TBC1D22A: variants seen among roughly 807,000 people sequenced by gnomAD.
The protein encoded by TBC1D22A is TBC1 domain family member 22A.
A neutral mutation model predicts 60.2 loss-of-function variants in TBC1D22A; 38 were observed. That is an observed-to-expected ratio of 0.63 (90% CI 0.49 to 0.83). The LOEUF (loss-of-function observed/expected upper bound fraction) is 0.83, where lower values mean the gene tolerates loss of function less well. TBC1D22A is among the 40% of genes least tolerant of loss of function. The pLI is 0.00. For synonymous variants in TBC1D22A, 302 were observed against 281.7 expected, an observed-to-expected ratio of 1.07 and a Z score of -0.72; for missense variants, 628 against 701.0, an observed-to-expected ratio of 0.90 and a Z score of 1.18.
chr22:47,131,405 G>A (rs1430052080), intron 12 of TBC1D22A, among the ~76,000 whole-genome samples: 1 of 152,180 alleles, frequency 6.6e-6, no homozygotes, highest in Non-Finnish European at 1.5e-5. Context: ...CTCGTTAATC[G>A]GCCAGTAGTG....
chr22:46,897,640 G>GTTTTTTTTT (rs1210846664), intron 7 of TBC1D22A, among the ~76,000 whole-genome samples: 6 of 108,378 alleles, frequency 5.5e-5, no homozygotes, highest in African/African-American at 1.7e-4. Flanking sequence ...GTTTCGTTTT[G>GTTTTTTTTT]TTTTTTTTTG....
intron 4 of TBC1D22A, among the ~76,000 whole-genome samples, chr22:46,863,706 G>A (rs1029867210): frequency 6.6e-6 from 1 of 152,198 alleles, no homozygotes. Context: ...CAAAACAAAA[G>A]CATTTCCGTC....
Position 46,891,374 on chromosome 22 carries a change from C to T in TBC1D22A, c.817C>T (p.His273Tyr). 6.2e-7 allele frequency: 1 copy of T among 1,611,476 alleles called. No individual in the cohort carries two copies. The highest frequency in any genetic ancestry group is 8.5e-7 in the Non-Finnish European group (1 of 1,179,242). The change falls in exon 6 of 13, where the codon CAC (histidine) becomes TAC (tyrosine). Residue 273 changes from histidine (H) to tyrosine (Y), a missense_variant. Physicochemically the swap from His to Tyr is moderately conservative, Grantham distance 83. Coordinates refer to ENST00000337137, the MANE Select transcript of TBC1D22A (RefSeq NM_014346.5). ...HYYDSRNDEV[H>Y]QDTYRQIHID... The stretch of plus-strand genomic sequence containing the variant: ...TTACGATTCTAGGAACGACGAAGTT[C>T]ACCAGGACACATACAGGCAGGTGGG...
intron 11 of TBC1D22A, among the ~76,000 whole-genome samples, chr22:47,108,382 A>G (rs1380813216): frequency 6.6e-6 from 1 of 152,246 alleles, no homozygotes; most frequent in Non-Finnish European, 1.5e-5. Flanking sequence ...GAAATGATCT[A>G]TTCGTCCGTG....
intron 12 of TBC1D22A, among the ~76,000 whole-genome samples, chr22:47,113,388 C>A (rs920477593): frequency 2.0e-5 from 3 of 152,110 alleles, no homozygotes; most frequent in Non-Finnish European, 4.4e-5. Context: ...GCAGACATTG[C>A]TGCCCTCCTG....
In TBC1D22A at chr22:47,110,412, G is replaced by A. The variant is rs141517634; in HGVS notation, c.1330-1096G>A. 7.0e-3 allele frequency among the ~76,000 whole-genome samples: 1,070 copies of A among 152,298 alleles called. 15 individuals carry two copies. Among genetic ancestry groups the A allele is most frequent in the Middle Eastern group, 0.031 (9 of 294 alleles). ...GAACATTGCTTGAAACCAGGAGGTG[G>A]AGGTTGCAGTGAGCCAAGATCACAC... On this transcript the variant is annotated intron_variant, in intron 11 of 12. Coordinates refer to ENST00000337137, the MANE Select transcript of TBC1D22A (RefSeq NM_014346.5).
At chr22:46,910,885 G>T (rs574093475) in intron 7 of TBC1D22A, among the ~76,000 whole-genome samples, 111 of 150,468 alleles carry the variant, frequency 7.4e-4, no homozygotes, top group African/African-American at 2.7e-3. Flanking sequence ...CCAGGCAGCG[G>T]TAGGAGTACG....
intron 11 of TBC1D22A, among the ~76,000 whole-genome samples, chr22:47,060,722 G>C (rs1180213795): frequency 6.6e-6 from 1 of 152,208 alleles, no homozygotes; most frequent in Non-Finnish European, 1.5e-5. Context: ...TGGTTCAGCA[G>C]ACAAATAATT....
chr22:46,767,884 T>C (rs1366463844), intron 1 of TBC1D22A, among the ~76,000 whole-genome samples: 1 of 151,418 alleles, frequency 6.6e-6, no homozygotes, highest in Admixed American at 6.6e-5. Flanking sequence ...AGTCGTGGGG[T>C]GCGTCATGAA....
At chr22:46,965,519 G>C (rs548798344) in intron 8 of TBC1D22A, among the ~76,000 whole-genome samples, 3 of 152,242 alleles carry the variant, frequency 2.0e-5, no homozygotes, top group Non-Finnish European at 2.9e-5. Flanking sequence ...GAATGCATTC[G>C]TCATCTCCGG....
chr22:47,035,971 A>G (rs1420643277), intron 10 of TBC1D22A, among the ~76,000 whole-genome samples: 1 of 152,156 alleles, frequency 6.6e-6, no homozygotes, highest in African/African-American at 2.4e-5. Context: ...TAAACAGAAC[A>G]CTAGCTTTTC....
chr22:46,877,087 T>C (rs557735398), intron 4 of TBC1D22A, among the ~76,000 whole-genome samples: 1 of 152,352 alleles, frequency 6.6e-6, no homozygotes, highest in East Asian at 1.9e-4. Context: ...AAAAGTCTTT[T>C]TAAGAATGGA....
At chr22:46,797,669 T>C (rs1016567041) in intron 4 of TBC1D22A, 49 bp downstream of exon 4, 2 of 1,520,420 alleles carry the variant, frequency 1.3e-6, no homozygotes, top group Admixed American at 4.6e-5. Flanking sequence ...TCTTGCTGTT[T>C]CTGAAATAGA....
rs143863258 is a variant in TBC1D22A, at chr22:46,888,613, C to T, written c.709-2653C>T. Among the ~76,000 whole-genome samples, 4 of 152,320 alleles carry T rather than the reference C, an allele frequency of 2.6e-5. No individual in the cohort carries two copies. In the East Asian group the frequency reaches 7.7e-4, roughly 29 times the overall value. Reference sequence around the variant, plus strand: ...ACTACTGACCAGGAGCCCAGTCAGACTTCATGGGAGAAGTGACCACTGGAG... The same window carrying T: ...ACTACTGACCAGGAGCCCAGTCAGATTTCATGGGAGAAGTGACCACTGGAG... On this transcript the variant is annotated intron_variant, in intron 5 of 12. Transcript: ENST00000337137.
intron 11 of TBC1D22A, among the ~76,000 whole-genome samples, chr22:47,080,263 A>G (rs1333312785): frequency 6.6e-6 from 1 of 152,228 alleles, no homozygotes; most frequent in Non-Finnish European, 1.5e-5. Flanking sequence ...ATTATGAAGT[A>G]GCTTGCTTGA....
intron 11 of TBC1D22A, among the ~76,000 whole-genome samples, chr22:47,053,845 A>G (rs1286746192): frequency 6.6e-6 from 1 of 152,342 alleles, no homozygotes; most frequent in East Asian, 1.9e-4. Context: ...TCCAGGAACA[A>G]CAAGAGGAGG....
intron 11 of TBC1D22A, among the ~76,000 whole-genome samples, chr22:47,092,739 AC>A (rs1403820965): frequency 6.6e-6 from 1 of 152,222 alleles, no homozygotes; most frequent in Non-Finnish European, 1.5e-5. Flanking sequence ...AGTTCAGTCT[AC>A]AGAGAGAGTT....
intron 4 of TBC1D22A, among the ~76,000 whole-genome samples, chr22:46,815,794 G>C (rs998345624): frequency 6.6e-6 from 1 of 152,166 alleles, no homozygotes; most frequent in African/African-American, 2.4e-5. Context: ...GAAGGAAGGG[G>C]ATGGGTGCCT....
At chr22:46,988,850 T>A (rs1040283441) in intron 9 of TBC1D22A, among the ~76,000 whole-genome samples, 5 of 152,254 alleles carry the variant, frequency 3.3e-5, no homozygotes, top group Admixed American at 2.0e-4. Flanking sequence ...TTCGAAGCTT[T>A]GAAGTGAGGC....
Sources: gnomAD v4.1 joint callset for allele counts (sites outside exome capture counted in the v4.1 genomes callset) on GRCh38, gnomAD v4.1.1 for gene constraint, MANE v1.5 for transcripts, NCBI Gene and HGNC (gene_info 2026-07-23, HGNC 2026-07-21) for gene names.